The following ME1 variants were observed in gnomAD, a reference collection of about 807,000 sequenced individuals.
ME1 encodes the protein malic enzyme 1.
Under a neutral mutation model 66.4 loss-of-function variants are expected in ME1, and 74 were observed. The ratio of observed to expected loss-of-function variants is 1.11; its 90% CI spans 0.92 to 1.35. The LOEUF (loss-of-function observed/expected upper bound fraction) is 1.35. ME1 is among the 40% of genes most tolerant of loss of function. ME1 has a pLI of 0.00. For synonymous variants in ME1, 251 were observed against 235.6 expected (o/e 1.07, Z -0.60); for missense variants, 750 against 694.1 (o/e 1.08, Z -0.90).
rs546714221 is a variant in ME1 at position 83,403,493 on chromosome 6, A to T, written c.212+4275T>A. On this transcript the variant is annotated intron_variant, in intron 2 of 13. Transcript: ENST00000369705. The stretch of plus-strand genomic sequence containing the variant: ...TTTCTTAGGCCTCTTTTATTTTTTT[A>T]TTTTTTATTTTACTTTAAGTTCTGG... Among the ~76,000 whole-genome samples the T allele has an allele frequency of 1.8e-4, 27 of 151,930 alleles. No homozygotes were observed. In the East Asian group the frequency reaches 5.2e-3, roughly 29 times the overall value.
At chr6:83,224,025 A>T (rs977157116) in intron 11 of ME1, 92 bp from the exon 12 acceptor site, 2 of 1,115,808 alleles carry the variant, frequency 1.8e-6, no homozygotes, top group African/African-American at 3.2e-5. Context: ...AGCCTAAATT[A>T]TAAGTACTTA....
At chr6:83,384,271 T>C (rs992313545) in intron 3 of ME1, among the ~76,000 whole-genome samples, 1 of 151,950 alleles carries the variant, frequency 6.6e-6, no homozygotes, top group African/African-American at 2.4e-5. Context: ...GTGGCTAAAA[T>C]AATTTACATT....
rs184003221 is a variant in ME1, at chr6:83,358,040, C to T, written c.363-5901G>A. On this transcript the variant is annotated intron_variant, in intron 3 of 13. Transcript: ENST00000369705. Reference sequence around the variant, plus strand: ...GATTTAGTTCTGTCCCTCTAGAGAACCCTGACTAATACAGATTTTGGTATA... The same window carrying T: ...GATTTAGTTCTGTCCCTCTAGAGAATCCTGACTAATACAGATTTTGGTATA... 2.2e-3 allele frequency among the ~76,000 whole-genome samples: 317 copies of T among 146,444 alleles called. 1 individual carries two copies. Among genetic ancestry groups the T allele is most frequent in the South Asian group, 4.3e-3 (20 of 4,598 alleles).
intron 6 of ME1, among the ~76,000 whole-genome samples, chr6:83,257,664 A>T (rs1766804686): frequency 6.6e-6 from 1 of 152,216 alleles, no homozygotes. Flanking sequence ...AAATGTTACT[A>T]AAAACTGGTA....
intron 6 of ME1, among the ~76,000 whole-genome samples, chr6:83,300,462 G>T (rs938748144): frequency 2.0e-4 from 31 of 151,758 alleles, no homozygotes; most frequent in Non-Finnish European, 4.4e-5. Context: ...CTACACAATG[G>T]GAGAAAATAT....
intron 6 of ME1, among the ~76,000 whole-genome samples, chr6:83,314,341 C>T (rs1315182895): frequency 6.6e-6 from 1 of 152,136 alleles, no homozygotes; most frequent in Non-Finnish European, 1.5e-5. Flanking sequence ...ACCAGTTACC[C>T]TGAACACATT....
chr6:83,297,377 G>A (rs949512972), intron 6 of ME1, among the ~76,000 whole-genome samples: 6 of 152,144 alleles, frequency 3.9e-5, no homozygotes, highest in South Asian at 4.2e-4. Flanking sequence ...TAAAATGGCC[G>A]TACTGCCCAA....
intron 13 of ME1, among the ~76,000 whole-genome samples, chr6:83,214,022 G>A (rs1367784375): frequency 6.6e-6 from 1 of 152,068 alleles, no homozygotes; most frequent in African/African-American, 2.4e-5. Context: ...CAGATTTATT[G>A]AGATATAATT....
chr6:83,370,933 A>T (rs1444448442), intron 3 of ME1, among the ~76,000 whole-genome samples: 4 of 152,036 alleles, frequency 2.6e-5, no homozygotes, highest in Non-Finnish European at 2.9e-5. Context: ...AGCACAAAAA[A>T]CATTAATGAA....
chr6:83,239,463 A>C, intron 8 of ME1, 76 bp downstream of exon 8: 1 of 1,027,102 alleles, frequency 9.7e-7, no homozygotes, highest in Non-Finnish European at 1.5e-6. Context: ...GAATACGTCA[A>C]ATCTTGAGTT....
chr6:83,302,395 A>C (rs1451401156), intron 6 of ME1, among the ~76,000 whole-genome samples: 1 of 152,156 alleles, frequency 6.6e-6, no homozygotes, highest in African/African-American at 2.4e-5. Flanking sequence ...CTGTACAACA[A>C]ACCCCCATCA....
chr6:83,395,216 TAG>T (rs1769705561), intron 3 of ME1, among the ~76,000 whole-genome samples: 1 of 151,796 alleles, frequency 6.6e-6, no homozygotes, highest in Non-Finnish European at 1.5e-5. Flanking sequence ...GCCTCCCTAG[TAG>T]CTGGGATTAC....
chr6:83,231,945 G>A (rs1405627449), intron 9 of ME1, among the ~76,000 whole-genome samples: 3 of 151,958 alleles, frequency 2.0e-5, no homozygotes, highest in Admixed American at 2.0e-4. Flanking sequence ...TTTATATTGT[G>A]ATGATTCTTA....
chr6:83,227,869 G>C (rs1463665261), intron 10 of ME1, among the ~76,000 whole-genome samples: 1 of 152,140 alleles, frequency 6.6e-6, no homozygotes, highest in African/African-American at 2.4e-5. Flanking sequence ...TATCACTTAA[G>C]ACAACCATCT....
rs750047895 is a variant in ME1 at position 83,270,136 on chromosome 6, G to A, written c.705-16398C>T. On this transcript the variant is annotated intron_variant, in intron 6 of 13. Transcript: ENST00000369705. ...GCAAGGGGTGGGGTGACCTGTACTC[G>A]TGTAAGTAAAATGAATGATATTACC... Among the ~76,000 whole-genome samples the A allele has an allele frequency of 1.6e-4, 24 of 152,058 alleles. 1 individual carries two copies. The highest frequency in any genetic ancestry group is 2.5e-4 in the Non-Finnish European group (17 of 67,990).
intron 7 of ME1, 64 bp from the exon 8 acceptor site, chr6:83,239,700 T>TGA: frequency 8.9e-7 from 1 of 1,119,252 alleles, no homozygotes; most frequent in Non-Finnish European, 1.4e-6. Context: ...TTCAAGCTTT[T>TGA]ATTCACAACT....
At chr6:83,385,356 G>A (rs1299264604) in intron 3 of ME1, among the ~76,000 whole-genome samples, 1 of 151,738 alleles carries the variant, frequency 6.6e-6, no homozygotes, top group Non-Finnish European at 1.5e-5. Flanking sequence ...TTAATAGACT[G>A]CCATAAATAC....
intron 13 of ME1, among the ~76,000 whole-genome samples, chr6:83,213,584 C>T (rs1316509099): frequency 6.6e-6 from 1 of 152,134 alleles, no homozygotes; most frequent in Non-Finnish European, 1.5e-5. Context: ...CCAGTCTGGT[C>T]TCAAACTCCT....
chr6:83,430,964 C>T lies in ME1; in HGVS notation c.-10G>A, dbSNP rs775197909. The T allele has an allele frequency of 1.3e-6, 2 of 1,541,204 alleles. No homozygotes were observed. The highest frequency in any genetic ancestry group is 2.5e-5 in the East Asian group (1 of 39,342). On this transcript the variant is annotated 5_prime_UTR_variant, in exon 1 of 14. Transcript: ENST00000369705. ...GGGCTTCGGGCTCCATGGCTGGCGC[C>T]GGGTTCGGCGGCGGGGTCAGGCCGG...
Sources: allele counts gnomAD v4.1 joint callset (sites outside exome capture counted in the v4.1 genomes callset), GRCh38; gene constraint gnomAD v4.1.1; transcripts MANE v1.5; gene names NCBI Gene and HGNC (gene_info 2026-07-23, HGNC 2026-07-21).